Variants in TSPEAR observed in about 807,000 individuals in gnomAD.
TSPEAR encodes thrombospondin type laminin G domain and EAR repeats, also known as thrombospondin-type laminin G domain and EAR repeat-containing protein.
A neutral mutation model predicts 71.6 loss-of-function variants in TSPEAR; 69 were observed. That is an observed-to-expected ratio of 0.96 (90% CI 0.79 to 1.18). The LOEUF is 1.18. TSPEAR is among the 50% of genes most tolerant of loss of function. The probability of loss-of-function intolerance (pLI) is 0.00; values close to 1 mark genes in which losing one functional copy is unlikely to be tolerated. For missense variants in TSPEAR, 971 were observed against 894.9 expected (o/e 1.09, Z -1.09); for synonymous variants, 402 against 387.2 (o/e 1.04, Z -0.45).
Position 44,593,773 on chromosome 21 carries a change from C to G in TSPEAR, c.83-25768G>C, listed in dbSNP as rs782212162. 6.6e-6 allele frequency among the ~76,000 whole-genome samples: 1 copy of G among 152,228 alleles called. No homozygotes were observed. The highest frequency in any genetic ancestry group is 2.4e-5 in the African/African-American group (1 of 41,466). On this transcript the variant is annotated intron_variant, in intron 1 of 11. Transcript: ENST00000323084. This position sits in a 1 kb window ranked among gnomAD's most constrained non-coding sequence, Gnocchi z 5.9. Reference sequence around the variant, plus strand: ...CTACACTGAGAGGACGGACTCTGCTCTCACGCCACAGCTGCTGTTTTTCTA... The same window carrying G: ...CTACACTGAGAGGACGGACTCTGCTGTCACGCCACAGCTGCTGTTTTTCTA...
At chr21:44,659,686 T>C (rs1323409232) in intron 1 of TSPEAR, among the ~76,000 whole-genome samples, 1 of 152,192 alleles carries the variant, frequency 6.6e-6, no homozygotes, top group African/African-American at 2.4e-5. Context: ...ATTGGGAGGC[T>C]GAGGCTGGAG....
Position 44,504,969 on chromosome 21 carries a change from AGAG to A in TSPEAR, c.1755-91_1755-89del, listed in dbSNP as rs1308134770. On this transcript the variant is annotated intron_variant, in intron 10 of 11. Transcript: ENST00000323084. Reference sequence around the variant, plus strand: ...GCCAGAAGCTACCTCCAAAATTTATAGAGGAGGAGCCGGGGCCAAAGTGGGGAG... The same window carrying A: ...GCCAGAAGCTACCTCCAAAATTTATAGAGGAGCCGGGGCCAAAGTGGGGAG... 5.1e-5 allele frequency: 54 copies of A among 1,052,668 alleles called. No individual in the cohort carries two copies. The African/African-American group carries it at 6.9e-4, about 13-fold the overall frequency. 65.2% of individuals were successfully genotyped at this position (1,052,668 alleles called of 1,614,324 possible). A position where few individuals can be genotyped will look rare whatever the true frequency, so the allele number is the denominator to read the frequency against.
At chr21:44,525,621 G>A in intron 8 of TSPEAR, 32 bp downstream of exon 8, 1 of 1,606,640 alleles carries the variant, frequency 6.2e-7, no homozygotes, top group South Asian at 1.1e-5. Flanking sequence ...TGGAATGGTT[G>A]CCTCCCGGTG....
In TSPEAR at chr21:44,695,259, T is replaced by C. The variant is rs1987282511; in HGVS notation, c.82+16174A>G. On this transcript the variant is annotated intron_variant, in intron 1 of 11. Coordinates refer to ENST00000323084, the MANE Select transcript of TSPEAR (RefSeq NM_144991.3). This position sits in a 1 kb window ranked among gnomAD's most constrained non-coding sequence, Gnocchi z 4.5. ...CCTGTCCTGGCACCTTTGCTCCCAC[T>C]GGACTGGACGCTGTGCTGTCTCTCA... is the stretch of plus-strand genomic sequence containing the variant. 6.6e-6 allele frequency among the ~76,000 whole-genome samples: 1 copy of C among 152,204 alleles called. No homozygotes were observed. The highest frequency in any genetic ancestry group is 2.4e-5 in the African/African-American group (1 of 41,446).
At chr21:44,682,184 T>C (rs1601561377) in intron 1 of TSPEAR, 2 of 1,573,026 alleles carry the variant, frequency 1.3e-6, no homozygotes, top group East Asian at 4.5e-5. Context: ...ATGGCCTCCC[T>C]GGGTAGCCTT....
intron 6 of TSPEAR, 93 bp from the exon 7 acceptor site, chr21:44,527,611 A>T: frequency 8.5e-7 from 1 of 1,183,150 alleles, no homozygotes; most frequent in Non-Finnish European, 1.2e-6. Context: ...GCCCCAAGTC[A>T]CAAGCCACGA....
At chr21:44,688,088 T>C (rs944820030) in intron 1 of TSPEAR, among the ~76,000 whole-genome samples, 3 of 152,120 alleles carry the variant, frequency 2.0e-5, no homozygotes, top group Non-Finnish European at 2.9e-5. Flanking sequence ...ATAAAGATAG[T>C]TTTTAAAAAG....
At chr21:44,595,363 CA>C (rs1980293980) in intron 1 of TSPEAR, among the ~76,000 whole-genome samples, 1 of 152,238 alleles carries the variant, frequency 6.6e-6, no homozygotes, top group African/African-American at 2.4e-5. Flanking sequence ...CTACAGGAAG[CA>C]CAGGGTTATG....
At chr21:44,521,373 G>A (rs1030983141) in intron 9 of TSPEAR, among the ~76,000 whole-genome samples, 3 of 152,220 alleles carry the variant, frequency 2.0e-5, no homozygotes, top group Admixed American at 6.5e-5. Context: ...TCAACTCAAA[G>A]GTCTCGTGGT....
intron 1 of TSPEAR, chr21:44,591,166 G>A (rs1979785473): frequency 9.4e-6 from 7 of 742,302 alleles, no homozygotes; most frequent in Non-Finnish European, 1.5e-5. Flanking sequence ...GGTGGAACCA[G>A]GCCTGCTGGG....
chr21:44,650,683 C>T (rs914572089), intron 1 of TSPEAR, among the ~76,000 whole-genome samples: 3 of 152,226 alleles, frequency 2.0e-5, no homozygotes, highest in African/African-American at 4.8e-5. Context: ...ACATAGCTGG[C>T]GTGGGACTCT....
intron 1 of TSPEAR, chr21:44,575,410 C>T (rs58494686): frequency 0.03 from 7,001 of 231,128 alleles, 427 homozygotes; most frequent in African/African-American, 0.14. Context: ...CTGGAGCTCA[C>T]GGCCATGGTT....
rs587724616 is a variant in TSPEAR, at chr21:44,656,205, G to A, written c.82+55228C>T. ...CCATTTTAAAAGTTGGTTGTCTTACGAGTCGATTACAGAAGAACAAGGATG... is the reference window on the plus strand; with the variant it reads ...CCATTTTAAAAGTTGGTTGTCTTACAAGTCGATTACAGAAGAACAAGGATG... On this transcript the variant is annotated intron_variant, in intron 1 of 11. Coordinates refer to ENST00000323084, the MANE Select transcript of TSPEAR (RefSeq NM_144991.3). 3.2e-4 allele frequency among the ~76,000 whole-genome samples: 48 copies of A among 152,330 alleles called. 1 individual carries two copies. The South Asian group carries it at 6.6e-3, about 21-fold the overall frequency.
At chr21:44,701,177 T>G (rs1309009130) in intron 1 of TSPEAR, among the ~76,000 whole-genome samples, 1 of 152,234 alleles carries the variant, frequency 6.6e-6, no homozygotes, top group Non-Finnish European at 1.5e-5. Context: ...CCAGTGACGC[T>G]TCCATAGGGA....
At chr21:44,558,025 A>G (rs1292513098) in intron 2 of TSPEAR, 2 of 1,585,436 alleles carry the variant, frequency 1.3e-6, no homozygotes, top group Non-Finnish European at 8.6e-7. Context: ...CCCTGGAACA[A>G]CTCTGGAGAA....
intron 1 of TSPEAR, chr21:44,579,524 A>G (rs1978723001): frequency 1.7e-6 from 1 of 593,882 alleles, no homozygotes. Context: ...AGGCCAAGTG[A>G]CATGGGGCAG....
intron 1 of TSPEAR, among the ~76,000 whole-genome samples, chr21:44,685,323 G>A (rs556213500): frequency 6.6e-6 from 1 of 152,210 alleles, no homozygotes; most frequent in African/African-American, 2.4e-5. Context: ...AATCCATCGA[G>A]AGAACAGAGC....
At chr21:44,579,436 G>C (rs1555924451) in intron 1 of TSPEAR, 1 of 476,814 alleles carries the variant, frequency 2.1e-6, no homozygotes. Context: ...ATCCCCAGGA[G>C]CACTACAGAA....
chr21:44,557,720 G>T, intron 2 of TSPEAR: 1 of 358,988 alleles, frequency 2.8e-6, no homozygotes, highest in South Asian at 4.0e-5. Flanking sequence ...GAGTCCCGAA[G>T]CTCCCACCCC....
Sources: allele counts gnomAD v4.1 joint callset (sites outside exome capture counted in the v4.1 genomes callset), GRCh38; gene constraint gnomAD v4.1.1; non-coding constraint Gnocchi (gnomAD v3.1); transcripts MANE v1.5; gene names NCBI Gene and HGNC (gene_info 2026-07-23, HGNC 2026-07-21).